Variants in GALNTL6 observed in about 807,000 individuals in gnomAD.
GALNTL6 encodes the protein polypeptide N-acetylgalactosaminyltransferase-like 6.
Under a neutral mutation model 73.7 loss-of-function variants are expected in GALNTL6, and 46 were observed. The ratio of observed to expected loss-of-function variants is 0.62; its 90% CI spans 0.49 to 0.80. The LOEUF is 0.80. Among genes scored for constraint, GALNTL6 ranks in the 30% least tolerant of loss-of-function variants. The pLI is 0.00. For synonymous variants in GALNTL6, 259 were observed against 263.7 expected (o/e 0.98, Z 0.17); for missense variants, 604 against 755.0 (o/e 0.80, Z 2.34).
chr4:173,023,929 T>G (rs1361380094), intron 12 of GALNTL6, among the ~76,000 whole-genome samples: 1 of 152,212 alleles, frequency 6.6e-6, no homozygotes, highest in Non-Finnish European at 1.5e-5. Flanking sequence ...AGTTACTTTC[T>G]GCGCACATCG....
chr4:172,618,264 C>G (rs1738822794), intron 5 of GALNTL6, among the ~76,000 whole-genome samples: 1 of 152,106 alleles, frequency 6.6e-6, no homozygotes. Context: ...CAATCTCCTT[C>G]ATTAACACTA....
In GALNTL6 at chr4:173,009,201, C is replaced by T. The variant is rs1411540413; in HGVS notation, c.1395C>T (p.Leu465=). The T allele has an allele frequency of 6.2e-7, 1 of 1,613,876 alleles. No individual in the cohort carries two copies. Among genetic ancestry groups the T allele is most frequent in the Non-Finnish European group, 8.5e-7 (1 of 1,179,722 alleles). Residue 465 remains leucine, a synonymous_variant, in exon 11 of 13, where the codon CTC becomes CTT. Transcript: ENST00000506823. Reference sequence around the variant, plus strand: ...AGATCCGAAATGTGGCAGCAAATCTCTGTGTGGACAGCAAGCATGGAGCCA... The same window carrying T: ...AGATCCGAAATGTGGCAGCAAATCTTTGTGTGGACAGCAAGCATGGAGCCA... ...WGEIRNVAAN[L]CVDSKHGATG...
chr4:172,755,603 T>C (rs1737709645), intron 5 of GALNTL6, among the ~76,000 whole-genome samples: 3 of 152,228 alleles, frequency 2.0e-5, no homozygotes, highest in Admixed American at 6.5e-5. Flanking sequence ...TCTTTCTTAT[T>C]TTTAAAATAT....
intron 5 of GALNTL6, among the ~76,000 whole-genome samples, chr4:172,437,725 G>A (rs1489743582): frequency 1.3e-5 from 2 of 152,040 alleles, no homozygotes; most frequent in African/African-American, 2.4e-5. Context: ...AATAATCCAG[G>A]AAGTCACACA....
chr4:173,019,665 G>A (rs1752921396), intron 11 of GALNTL6, among the ~76,000 whole-genome samples: 1 of 152,216 alleles, frequency 6.6e-6, no homozygotes, highest in African/African-American at 2.4e-5. Context: ...TATTTCAAAT[G>A]TCTATTCTAA....
At position 172,249,436 on chromosome 4, in the gene GALNTL6, G is replaced by A. The variant is rs545848615; in HGVS notation, c.247+19672G>A. On this transcript the variant is annotated intron_variant, in intron 3 of 12. Coordinates refer to ENST00000506823, the MANE Select transcript of GALNTL6 (RefSeq NM_001034845.3). The stretch of plus-strand genomic sequence containing the variant: ...AAAAGAAAAACCCATTTTCTGGAGA[G>A]ATATTCAAGCCTGCTGCAGAAAATT... 2.0e-5 allele frequency among the ~76,000 whole-genome samples: 3 copies of A among 152,330 alleles called. No individual in the cohort carries two copies. The South Asian group carries it at 6.2e-4, about 32-fold the overall frequency.
intron 5 of GALNTL6, among the ~76,000 whole-genome samples, chr4:172,618,858 C>T (rs556229217): frequency 3.3e-5 from 5 of 151,968 alleles, no homozygotes; most frequent in Non-Finnish European, 7.4e-5. Context: ...CAAGTAGCTG[C>T]GATTAAGGGT....
chr4:172,480,277 T>C (rs338024), intron 5 of GALNTL6, among the ~76,000 whole-genome samples: 150,528 of 151,920 alleles, frequency 0.99, 74,595 homozygotes, highest in Middle Eastern at 1. Context: ...CACACCACTG[T>C]ACTCCAGCCT....
rs538830283 is a variant in GALNTL6, at chr4:172,169,187, C to T, written c.139-60469C>T. 9.9e-5 allele frequency among the ~76,000 whole-genome samples: 15 copies of T among 152,172 alleles called. No homozygotes were observed. The South Asian group carries it at 2.9e-3, about 30-fold the overall frequency. On this transcript the variant is annotated intron_variant, in intron 2 of 12. Coordinates refer to ENST00000506823, the MANE Select transcript of GALNTL6 (RefSeq NM_001034845.3). ...ACAATGAGATTGGATTCTAAAGACC[C>T]AAGTAGCTGGGATTTGCCCTAAGAG...
chr4:172,489,420 G>A (rs1458128751), intron 5 of GALNTL6, among the ~76,000 whole-genome samples: 1 of 152,200 alleles, frequency 6.6e-6, no homozygotes, highest in Non-Finnish European at 1.5e-5. Flanking sequence ...ATTTACGCAT[G>A]TGTATGTAAA....
intron 5 of GALNTL6, among the ~76,000 whole-genome samples, chr4:172,730,000 A>G (rs1416105894): frequency 1.3e-5 from 2 of 152,084 alleles, no homozygotes; most frequent in Non-Finnish European, 2.9e-5. Context: ...GCTATTGTCA[A>G]TGGAATTACT....
At chr4:172,435,657 A>C (rs1213183975) in intron 5 of GALNTL6, among the ~76,000 whole-genome samples, 1 of 152,174 alleles carries the variant, frequency 6.6e-6, no homozygotes, top group Non-Finnish European at 1.5e-5. Context: ...AAATAGATCC[A>C]AGAACAAGTA....
At chr4:172,046,656 C>T (rs10213643) in intron 2 of GALNTL6, among the ~76,000 whole-genome samples, 114,697 of 152,040 alleles carry the variant, frequency 0.75, 43,813 homozygotes, top group East Asian at 0.87. Context: ...ATCTGCTGGC[C>T]ATTTGGATAT....
At chr4:172,581,715 C>G (rs1273770476) in intron 5 of GALNTL6, among the ~76,000 whole-genome samples, 1 of 152,196 alleles carries the variant, frequency 6.6e-6, no homozygotes, top group African/African-American at 2.4e-5. Context: ...CCTCTCTGTC[C>G]TCTGAGCCTC....
intron 3 of GALNTL6, among the ~76,000 whole-genome samples, chr4:172,253,767 A>G (rs1248550745): frequency 6.6e-6 from 1 of 151,980 alleles, no homozygotes; most frequent in Non-Finnish European, 1.5e-5. Context: ...TGTCATTTTC[A>G]TGAAGCATAG....
At chr4:172,404,567 A>G (rs539057553) in intron 5 of GALNTL6, among the ~76,000 whole-genome samples, 1 of 152,142 alleles carries the variant, frequency 6.6e-6, no homozygotes, top group Admixed American at 6.6e-5. Flanking sequence ...CTCAATGTAA[A>G]ATATTCTGAA....
intron 5 of GALNTL6, among the ~76,000 whole-genome samples, chr4:172,642,923 C>T (rs1236302818): frequency 6.6e-6 from 1 of 151,792 alleles, no homozygotes; most frequent in Non-Finnish European, 1.5e-5. Flanking sequence ...TATTGAGCCT[C>T]AGACCCCTTA....
chr4:172,825,020 G>A (rs1368224139), intron 7 of GALNTL6, among the ~76,000 whole-genome samples: 1 of 148,488 alleles, frequency 6.7e-6, no homozygotes, highest in African/African-American at 2.5e-5. Context: ...ATCAAGAAAT[G>A]ACTATGATGC....
chr4:172,809,648 C>A lies in GALNTL6; in HGVS notation c.739+102C>A. The A allele has an allele frequency of 2.3e-6, 2 of 871,830 alleles. No individual in the cohort carries two copies. The highest frequency in any genetic ancestry group is 3.4e-6 in the Non-Finnish European group (2 of 582,196). The allele number at this position is 871,830 out of a possible 1,614,324, so 54.0% of individuals were successfully genotyped here. A position where few individuals can be genotyped will look rare whatever the true frequency, so the allele number is the denominator to read the frequency against. On this transcript the variant is annotated intron_variant, in intron 6 of 12. Transcript: ENST00000506823. This position sits in a 1 kb window ranked among gnomAD's most constrained non-coding sequence, Gnocchi z 4.4. ...CAGCAAACACTAGAGGTCCCTTCTA[C>A]AAGTTTTCCAGGGGAAGCCTTGAAT... is the stretch of plus-strand genomic sequence containing the variant.
Sources: allele counts gnomAD v4.1 joint callset (sites outside exome capture counted in the v4.1 genomes callset), GRCh38; gene constraint gnomAD v4.1.1; non-coding constraint Gnocchi (gnomAD v3.1); transcripts MANE v1.5; gene names NCBI Gene and HGNC (gene_info 2026-07-23, HGNC 2026-07-21).